Variants in ARPC2 observed in about 807,000 individuals in gnomAD.
ARPC2 encodes actin related protein 2/3 complex subunit 2.
ARPC2 carries 4 observed loss-of-function variants against 38.6 expected under a neutral mutation model. The ratio of observed to expected loss-of-function variants is 0.10; its 90% CI spans 0.05 to 0.24. The LOEUF (loss-of-function observed/expected upper bound fraction) is 0.24, where lower values mean the gene tolerates loss of function less well. Ranked by LOEUF, ARPC2 falls within the 10% of genes least tolerant of loss-of-function variation. The probability of loss-of-function intolerance (pLI) is 1.00; values close to 1 mark genes in which losing one functional copy is unlikely to be tolerated. For synonymous variants in ARPC2, 125 were observed against 140.8 expected (o/e 0.89, Z 0.79); for missense variants, 229 against 387.3 (o/e 0.59, Z 3.43).
rs199925642 is a variant in ARPC2, at chr2:218,228,891, A to C, written c.222+41A>C. ...TTTTCCTTGGGACTCTTGTTTCCTC[A>C]CCTTTCATTGGCAGTTTGCCATTCA... is the stretch of plus-strand genomic sequence containing the variant. On this transcript the variant is annotated intron_variant, in intron 4 of 10. Transcript: ENST00000315717. 217 of 1,329,006 alleles carry C rather than the reference A, an allele frequency of 1.6e-4. 1 individual carries two copies. In the East Asian group the frequency reaches 2.0e-3, roughly 12 times the overall value. 82.3% of individuals were successfully genotyped at this position (1,329,006 alleles called of 1,614,324 possible).
At chr2:218,248,875 CT>C (rs1690112436) in intron 8 of ARPC2, among the ~76,000 whole-genome samples, 1 of 152,198 alleles carries the variant, frequency 6.6e-6, no homozygotes, top group Non-Finnish European at 1.5e-5. Context: ...ACCTTATTGT[CT>C]GTTTTCACAG....
At chr2:218,240,404 C>G (rs902350728) in intron 7 of ARPC2, among the ~76,000 whole-genome samples, 1 of 152,206 alleles carries the variant, frequency 6.6e-6, no homozygotes. Context: ...ACCCTAACCT[C>G]TTGTGTTTCC....
chr2:218,226,040 A>T (rs1689488258), intron 3 of ARPC2, 86 bp downstream of exon 3: 3 of 1,390,690 alleles, frequency 2.2e-6, no homozygotes, highest in Non-Finnish European at 3.0e-6. Flanking sequence ...CATGCCTGTA[A>T]TCCCAGCACT....
chr2:218,252,038 A>G (rs982007845), intron 10 of ARPC2, among the ~76,000 whole-genome samples: 1 of 152,138 alleles, frequency 6.6e-6, no homozygotes, highest in Non-Finnish European at 1.5e-5. Flanking sequence ...AGCCTGACCA[A>G]CATGGAGAAA....
At chr2:218,224,849 A>G (rs1559475543) in intron 2 of ARPC2, among the ~76,000 whole-genome samples, 2 of 152,238 alleles carry the variant, frequency 1.3e-5, no homozygotes, top group African/African-American at 2.4e-5. Flanking sequence ...ACCATGTTAT[A>G]TATTCCATTA....
intron 1 of ARPC2, 35 bp downstream of exon 1, chr2:218,217,289 G>C (rs1407059399): frequency 1.6e-6 from 1 of 618,342 alleles, no homozygotes; most frequent in African/African-American, 1.9e-5. Flanking sequence ...CACAGTCTGC[G>C]TGCGTGGGCC....
At position 218,254,123 on chromosome 2, in the gene ARPC2, A is replaced by G. The variant is rs2106163117; in HGVS notation, c.*208A>G. 1.9e-6 allele frequency: 1 copy of G among 537,480 alleles called. No homozygotes were observed. Among genetic ancestry groups the G allele is most frequent in the Non-Finnish European group, 3.2e-6 (1 of 315,024 alleles). The allele number at this position is 537,480 out of a possible 1,614,324, so 33.3% of individuals were successfully genotyped here. On this transcript the variant is annotated 3_prime_UTR_variant, in exon 11 of 11. Coordinates refer to ENST00000315717, the MANE Select transcript of ARPC2 (RefSeq NM_152862.3). ...TCCCAAGAATTAAAAAAAAAAAAAAAAGAATTCCACTTGATCAACTTAATT... is the reference window on the plus strand; with the variant it reads ...TCCCAAGAATTAAAAAAAAAAAAAAGAGAATTCCACTTGATCAACTTAATT...
chr2:218,244,217 C>A (rs921721321), intron 7 of ARPC2, among the ~76,000 whole-genome samples: 17 of 152,192 alleles, frequency 1.1e-4, no homozygotes, highest in African/African-American at 2.9e-4. Flanking sequence ...ATGGTCATTT[C>A]TTTTCCTACT....
intron 6 of ARPC2, 34 bp downstream of exon 6, chr2:218,238,884 T>A: frequency 6.6e-7 from 1 of 1,504,330 alleles, no homozygotes; most frequent in Non-Finnish European, 9.2e-7. Context: ...AGCCTGGATA[T>A]GGCTGCTACA....
chr2:218,227,513 C>T (rs1209509292), intron 3 of ARPC2, among the ~76,000 whole-genome samples: 1 of 152,170 alleles, frequency 6.6e-6, no homozygotes, highest in East Asian at 1.9e-4. Context: ...GCCGCCTCCA[C>T]CTCCCCGAGT....
intron 2 of ARPC2, among the ~76,000 whole-genome samples, chr2:218,222,944 G>C (rs1384342696): frequency 1.3e-5 from 2 of 152,176 alleles, no homozygotes; most frequent in Non-Finnish European, 2.9e-5. Context: ...GAACATGATT[G>C]TATTTGTATG....
rs1425749305 is a variant in ARPC2 at position 218,254,071 on chromosome 2, G to A, written c.*156G>A. 15 of 815,924 alleles carry A rather than the reference G, an allele frequency of 1.8e-5. No homozygotes were observed. The highest frequency in any genetic ancestry group is 5.7e-5 in the East Asian group (2 of 34,986). The allele number at this position is 815,924 out of a possible 1,614,324, so 50.5% of individuals were successfully genotyped here. A position where few individuals can be genotyped will look rare whatever the true frequency, so the allele number is the denominator to read the frequency against. ...CGTTTGGAAAATAATCTGCAGAAAC[G>A]AGCTGTGCTTGCAAAGACTTCATAG... On this transcript the variant is annotated 3_prime_UTR_variant, in exon 11 of 11. Transcript: ENST00000315717.
chr2:218,250,703 G>GGT (rs1334699505), intron 10 of ARPC2, among the ~76,000 whole-genome samples: 2 of 151,992 alleles, frequency 1.3e-5, no homozygotes, highest in Non-Finnish European at 2.9e-5. Flanking sequence ...CCTAAATAGG[G>GGT]GTGTGGCTCT....
intron 10 of ARPC2, among the ~76,000 whole-genome samples, chr2:218,250,603 G>A (rs973175312): frequency 2.0e-5 from 3 of 150,412 alleles, no homozygotes; most frequent in Admixed American, 6.6e-5. Context: ...GGCAGAGGTC[G>A]CAGTGAGCCA....
intron 4 of ARPC2, among the ~76,000 whole-genome samples, chr2:218,232,131 C>T (rs908973159): frequency 1.4e-4 from 22 of 152,060 alleles, no homozygotes; most frequent in African/African-American, 5.3e-4. Context: ...ATCCCAGCTA[C>T]TAGGGAGGCT....
At chr2:218,226,953 G>C in intron 3 of ARPC2, 1 of 455,498 alleles carries the variant, frequency 2.2e-6, no homozygotes, top group Non-Finnish European at 4.4e-6. Flanking sequence ...GCTGCTTTCT[G>C]TTCCCTATAA....
chr2:218,243,516 G>A (rs1193375642), intron 7 of ARPC2, among the ~76,000 whole-genome samples: 3 of 152,154 alleles, frequency 2.0e-5, no homozygotes, highest in African/African-American at 7.2e-5. Context: ...AGTGGCTCAC[G>A]CCTGTAATCC....
At chr2:218,218,442 C>T (rs182456680) in intron 2 of ARPC2, among the ~76,000 whole-genome samples, 1 of 152,364 alleles carries the variant, frequency 6.6e-6, no homozygotes, top group African/African-American at 2.4e-5. Flanking sequence ...ACACAAGAAT[C>T]AGTAGAAGAC....
At chr2:218,229,031 C>T in intron 4 of ARPC2, 181 bp downstream of exon 4, 1 of 474,128 alleles carries the variant, frequency 2.1e-6, no homozygotes, top group Non-Finnish European at 3.8e-6. Context: ...TTGACTCTTG[C>T]TTGCTTGCTT....
Sources: gnomAD v4.1 joint callset for allele counts (sites outside exome capture counted in the v4.1 genomes callset) on GRCh38, gnomAD v4.1.1 for gene constraint, MANE v1.5 for transcripts, NCBI Gene and HGNC (gene_info 2026-07-23, HGNC 2026-07-21) for gene names.